The following VPS13B variants were observed in gnomAD, a reference collection of about 807,000 sequenced individuals.
VPS13B encodes the protein intermembrane lipid transfer protein VPS13B.
Under a neutral mutation model 426.4 loss-of-function variants are expected in VPS13B, and 285 were observed. The observed-to-expected ratio is 0.67, with a 90% CI of 0.61 to 0.74. VPS13B has a LOEUF of 0.74. VPS13B is among the 30% of genes least tolerant of loss of function. VPS13B has a pLI of 0.00. For synonymous variants in VPS13B, 1,676 were observed against 1,676.4 expected (o/e 1.00, Z 0.01); for missense variants, 4,537 against 4,782.6 (o/e 0.95, Z 1.51).
At chr8:99,766,559 T>G (rs1811237198) in intron 39 of VPS13B, among the ~76,000 whole-genome samples, 1 of 152,246 alleles carries the variant, frequency 6.6e-6, no homozygotes, top group African/African-American at 2.4e-5. Context: ...AAATTTTGGC[T>G]GTTTTTATAT....
At position 99,813,123 on chromosome 8, in the gene VPS13B, C is replaced by G. The variant is rs565221333; in HGVS notation, c.8097+3593C>G. Among the ~76,000 whole-genome samples, 12 of 152,330 alleles carry G rather than the reference C, an allele frequency of 7.9e-5. No homozygotes were observed. The East Asian group carries it at 2.1e-3, about 27-fold the overall frequency. ...AGCTCTCCTGAGCCTAACCCTGGAACAGCCGTGCAAGCACACTACTCCACT... is the reference window on the plus strand; with the variant it reads ...AGCTCTCCTGAGCCTAACCCTGGAAGAGCCGTGCAAGCACACTACTCCACT... On this transcript the variant is annotated intron_variant, in intron 44 of 61. Transcript: ENST00000357162.
intron 2 of VPS13B, among the ~76,000 whole-genome samples, chr8:99,015,626 G>A (rs1017341597): frequency 6.6e-6 from 1 of 151,842 alleles, no homozygotes; most frequent in Admixed American, 6.6e-5. Context: ...ACTCCAGGCC[G>A]GGCACGGTGG....
intron 16 of VPS13B, among the ~76,000 whole-genome samples, chr8:99,184,014 T>C (rs1169055181): frequency 6.6e-6 from 1 of 152,234 alleles, no homozygotes; most frequent in Non-Finnish European, 1.5e-5. Flanking sequence ...TGTTGTGGTC[T>C]TTTGTTTCAG....
chr8:99,471,965 A>G (rs974261049), intron 24 of VPS13B, among the ~76,000 whole-genome samples: 1 of 152,182 alleles, frequency 6.6e-6, no homozygotes, highest in African/African-American at 2.4e-5. Context: ...ATTTTACTTA[A>G]ATATAAAGAA....
intron 43 of VPS13B, among the ~76,000 whole-genome samples, chr8:99,805,315 A>T (rs964223457): frequency 2.0e-5 from 3 of 151,882 alleles, no homozygotes; most frequent in African/African-American, 7.2e-5. Context: ...AAAAATCTTG[A>T]CAGTAGTTTT....
chr8:99,053,262 G>GTA (rs751314433), intron 3 of VPS13B, among the ~76,000 whole-genome samples: 9 of 151,904 alleles, frequency 5.9e-5, no homozygotes, highest in Admixed American at 2.6e-4. Flanking sequence ...TAAGCATTAG[G>GTA]TATATCTCCT....
At chr8:99,338,395 C>T (rs1255999973) in intron 19 of VPS13B, among the ~76,000 whole-genome samples, 1 of 151,888 alleles carries the variant, frequency 6.6e-6, no homozygotes, top group Non-Finnish European at 1.5e-5. Context: ...TTCTTGCGTA[C>T]TACATTCCAT....
At position 99,029,962 on chromosome 8, in the gene VPS13B, T is replaced by G. The variant is rs148110936; in HGVS notation, c.148-8461T>G. Among the ~76,000 whole-genome samples the G allele has an allele frequency of 7.9e-5, 12 of 152,344 alleles. No individual in the cohort carries two copies. In the East Asian group the frequency reaches 2.3e-3, roughly 29 times the overall value. The stretch of plus-strand genomic sequence containing the variant: ...TGTTCATCTTTTCTCAGTTTGACTA[T>G]AATGTATCCTGAGAGGACCTTTTTG... On this transcript the variant is annotated intron_variant, in intron 2 of 61. Coordinates refer to ENST00000357162, the MANE Select transcript of VPS13B (RefSeq NM_152564.5).
At chr8:99,297,801 C>T (rs1482350953) in intron 19 of VPS13B, among the ~76,000 whole-genome samples, 1 of 152,184 alleles carries the variant, frequency 6.6e-6, no homozygotes, top group Admixed American at 6.5e-5. Context: ...TTCCACTCAA[C>T]AGTGTTTTAA....
At chr8:99,170,266 A>C in intron 16 of VPS13B, 103 bp downstream of exon 16, 1 of 1,398,588 alleles carries the variant, frequency 7.2e-7, no homozygotes, top group Non-Finnish European at 9.8e-7. Context: ...GTTTTATACA[A>C]AACTTTAGAA....
At chr8:99,084,309 T>C (rs1187798517) in intron 3 of VPS13B, among the ~76,000 whole-genome samples, 3 of 152,230 alleles carry the variant, frequency 2.0e-5, no homozygotes, top group African/African-American at 4.8e-5. Context: ...ATCCCCTTTA[T>C]CATATTTTAT....
At chr8:99,608,402 C>T (rs919506193) in intron 33 of VPS13B, among the ~76,000 whole-genome samples, 2 of 151,882 alleles carry the variant, frequency 1.3e-5, no homozygotes, top group Non-Finnish European at 2.9e-5. Flanking sequence ...CTGCCTCCTC[C>T]CAAAGTGCTA....
At chr8:99,777,481 G>A (rs956033526) in intron 41 of VPS13B, among the ~76,000 whole-genome samples, 4 of 152,010 alleles carry the variant, frequency 2.6e-5, no homozygotes, top group East Asian at 3.9e-4. Context: ...TCACTATCAC[G>A]AGAACAGTAC....
chr8:99,832,259 CAA>C (rs68156520), intron 51 of VPS13B, 108 bp from the exon 52 acceptor site: 261 of 1,157,606 alleles, frequency 2.3e-4, no homozygotes, highest in Middle Eastern at 3.3e-4. Context: ...GAGACTGTCT[CAA>C]AAAAAAAAAA....
rs190779297 is a variant in VPS13B at position 99,627,512 on chromosome 8, T to C, written c.5221-14299T>C. Among the ~76,000 whole-genome samples the C allele has an allele frequency of 1.2e-4, 18 of 152,236 alleles. No homozygotes were observed. In the East Asian group the frequency reaches 3.3e-3, roughly 28 times the overall value. On this transcript the variant is annotated intron_variant, in intron 33 of 61. Transcript: ENST00000357162. ...CTCACTGCAACCTCCACCTCCCAAGTAGCTGAGATTACAGGGGCACACCAC... is the reference window on the plus strand; with the variant it reads ...CTCACTGCAACCTCCACCTCCCAAGCAGCTGAGATTACAGGGGCACACCAC...
At chr8:99,565,975 A>T (rs568598730) in intron 31 of VPS13B, among the ~76,000 whole-genome samples, 1 of 152,140 alleles carries the variant, frequency 6.6e-6, no homozygotes, top group Admixed American at 6.5e-5. Flanking sequence ...AAACCTTACC[A>T]TGCCTTTACA....
At chr8:99,467,073 A>C (rs1819147377) in intron 23 of VPS13B, among the ~76,000 whole-genome samples, 1 of 152,180 alleles carries the variant, frequency 6.6e-6, no homozygotes, top group Non-Finnish European at 1.5e-5. Flanking sequence ...CATTTATGTA[A>C]TGTGATCTGT....
intron 34 of VPS13B, among the ~76,000 whole-genome samples, chr8:99,643,376 T>C (rs1829448563): frequency 6.6e-6 from 1 of 152,192 alleles, no homozygotes; most frequent in South Asian, 2.1e-4. Flanking sequence ...TCAGACAATG[T>C]ATCTAATCTG....
chr8:99,411,273 A>G (rs1287606329), intron 21 of VPS13B, among the ~76,000 whole-genome samples: 1 of 152,164 alleles, frequency 6.6e-6, no homozygotes, highest in Non-Finnish European at 1.5e-5. Context: ...ATGAGATGGT[A>G]TCTCATTGTG....
Sources: allele counts gnomAD v4.1 joint callset (sites outside exome capture counted in the v4.1 genomes callset), GRCh38; gene constraint gnomAD v4.1.1; transcripts MANE v1.5; gene names NCBI Gene and HGNC (gene_info 2026-07-23, HGNC 2026-07-21).